The following TENM3 variants were observed in gnomAD, a reference collection of about 807,000 sequenced individuals.
The protein encoded by TENM3 is teneurin-3.
TENM3 carries 63 observed loss-of-function variants against 255.1 expected under a neutral mutation model. The ratio of observed to expected loss-of-function variants is 0.25; its 90% CI spans 0.20 to 0.30. TENM3 has a LOEUF of 0.30. Among genes scored for constraint, TENM3 ranks in the 10% least tolerant of loss-of-function variants. The pLI, the probability that TENM3 is intolerant of heterozygous loss-of-function variation, is 1.00. For missense variants in TENM3, 2,929 were observed against 3,461.1 expected (o/e 0.85, Z 3.86); for synonymous variants, 1,306 against 1,322.3 (o/e 0.99, Z 0.27).
chr4:181,685,317 G>C, the TENM3 span, among the ~76,000 whole-genome samples: 1,394 of 152,226 alleles, frequency 9.2e-3, 18 homozygotes, highest in African/African-American at 0.032. Context: ...AAGTGAAACT[G>C]AAGATTTCAA....
At chr4:181,589,898 A>G in the TENM3 span, among the ~76,000 whole-genome samples, 1 of 152,194 alleles carries the variant, frequency 6.6e-6, no homozygotes, top group Non-Finnish European at 1.5e-5. Flanking sequence ...CATCTCTCAC[A>G]TGGAAATGTT....
intron 3 of TENM3, among the ~76,000 whole-genome samples, chr4:182,455,241 A>C (rs1418471608): frequency 6.6e-6 from 1 of 152,174 alleles, no homozygotes; most frequent in Non-Finnish European, 1.5e-5. Context: ...GTTTAAAATG[A>C]AGTATAAACT....
intron 1 of TENM3, among the ~76,000 whole-genome samples, chr4:182,179,755 T>C (rs908187030): frequency 1.3e-5 from 2 of 152,244 alleles, no homozygotes; most frequent in Non-Finnish European, 2.9e-5. Flanking sequence ...CAGGAAGTTT[T>C]TCAGTGTTGT....
At chr4:181,692,643 T>A in the TENM3 span, among the ~76,000 whole-genome samples, 1 of 152,268 alleles carries the variant, frequency 6.6e-6, no homozygotes, top group East Asian at 1.9e-4. Flanking sequence ...ACAGTTAATT[T>A]AGATGGAAAA....
chr4:182,262,739 T>TG (rs34594175), intron 1 of TENM3, among the ~76,000 whole-genome samples: 1 of 134,764 alleles, frequency 7.4e-6, no homozygotes, highest in African/African-American at 2.9e-5. Context: ...TTTTTTTTTT[T>TG]GAGACGGAAT....
the TENM3 span, among the ~76,000 whole-genome samples, chr4:181,902,812 GGTGT>G: frequency 1.3e-5 from 2 of 151,948 alleles, no homozygotes; most frequent in African/African-American, 2.4e-5. Context: ...ATACCTAATG[GGTGT>G]TATCCAGACA....
intron 6 of TENM3, among the ~76,000 whole-genome samples, chr4:182,660,983 A>G (rs539873475): frequency 4.6e-5 from 7 of 152,300 alleles, no homozygotes; most frequent in African/African-American, 1.7e-4. Context: ...CACATGCCCA[A>G]TTTTAGCCTA....
intron 22 of TENM3, among the ~76,000 whole-genome samples, chr4:182,768,537 A>C (rs930061047): frequency 9.2e-5 from 14 of 152,280 alleles, no homozygotes; most frequent in African/African-American, 3.4e-4. Flanking sequence ...AGTCTAGGGA[A>C]GCTCTGGGAA....
intron 12 of TENM3, among the ~76,000 whole-genome samples, chr4:182,707,188 T>C (rs1331052279): frequency 6.6e-6 from 1 of 152,106 alleles, no homozygotes; most frequent in African/African-American, 2.4e-5. Context: ...TTGATGTGCA[T>C]ACTCCTAGAC....
At chr4:181,561,043 C>T in the TENM3 span, among the ~76,000 whole-genome samples, 9 of 152,164 alleles carry the variant, frequency 5.9e-5, no homozygotes, top group Admixed American at 2.0e-4. Context: ...ACCCTCGCCT[C>T]CTGGGTTCAA....
intron 1 of TENM3, among the ~76,000 whole-genome samples, chr4:182,227,031 C>G (rs1222076120): frequency 6.6e-6 from 1 of 152,124 alleles, no homozygotes; most frequent in Non-Finnish European, 1.5e-5. Context: ...GCCGTAACTC[C>G]TGCTGCTGCT....
rs139833505 is a variant in TENM3, at chr4:182,482,001, G to A, written c.512-118923G>A. Reference sequence around the variant, plus strand: ...TCTCTAGACAGTGCACAACACTGAAGTAAATGCAGATACTGTATCTTAATT... The same window carrying A: ...TCTCTAGACAGTGCACAACACTGAAATAAATGCAGATACTGTATCTTAATT... On this transcript the variant is annotated intron_variant, in intron 3 of 27. Transcript: ENST00000511685. Among the ~76,000 whole-genome samples, 33 of 152,252 alleles carry A rather than the reference G, an allele frequency of 2.2e-4. No homozygotes were observed. In the East Asian group the frequency reaches 5.6e-3, roughly 26 times the overall value.
chr4:182,295,546 G>T (rs903345095), intron 1 of TENM3, among the ~76,000 whole-genome samples: 11 of 152,046 alleles, frequency 7.2e-5, no homozygotes, highest in African/African-American at 2.4e-4. Flanking sequence ...TGGGATTACA[G>T]GTGTGAGCCA....
chr4:182,524,417 A>AT (rs1560871422), intron 3 of TENM3, among the ~76,000 whole-genome samples: 9 of 124,130 alleles, frequency 7.3e-5, no homozygotes, highest in Non-Finnish European at 1.3e-4. Flanking sequence ...GCCAGAGTGC[A>AT]GTGGCATGAC....
the TENM3 span, among the ~76,000 whole-genome samples, chr4:181,761,755 T>G: frequency 6.6e-6 from 1 of 152,176 alleles, no homozygotes; most frequent in African/African-American, 2.4e-5. Context: ...TGGGCGTATA[T>G]GCTACATATT....
rs58332965 is a variant in TENM3 at position 182,603,784 on chromosome 4, T to TATATATATATATATATATAG, written c.749+2624_749+2625insTATATATATATATATATAGA. On this transcript the variant is annotated intron_variant, in intron 4 of 27. Transcript: ENST00000511685. Reference sequence around the variant, plus strand: ...AATTATTTATATATATATATATATATACACACACACACCGATTTTGCTAAT... The same window carrying TATATATATATATATATATAG: ...AATTATTTATATATATATATATATATATATATATATATATATATAGACACACACACACCGATTTTGCTAAT... Among the ~76,000 whole-genome samples the TATATATATATATATATATAG allele has an allele frequency of 3.5e-3, 463 of 134,144 alleles. 13 individuals carry two copies. The highest frequency in any genetic ancestry group is 9.8e-3 in the East Asian group (42 of 4,296). 88.0% of individuals were successfully genotyped at this position (134,144 alleles called of 152,430 possible).
At chr4:181,942,784 T>G in the TENM3 span, among the ~76,000 whole-genome samples, 1 of 152,342 alleles carries the variant, frequency 6.6e-6, no homozygotes, top group African/African-American at 2.4e-5. Context: ...AAAATATTTT[T>G]AAATCTGAGA....
chr4:182,687,137 A>G (rs535182411), intron 11 of TENM3, among the ~76,000 whole-genome samples: 3 of 152,262 alleles, frequency 2.0e-5, no homozygotes, highest in Middle Eastern at 3.4e-3. Flanking sequence ...TTTTTAATCA[A>G]AAAAAGGTTT....
the TENM3 span, among the ~76,000 whole-genome samples, chr4:181,939,660 AG>A: frequency 6.6e-6 from 1 of 152,224 alleles, no homozygotes; most frequent in Non-Finnish European, 1.5e-5. Flanking sequence ...AGCTGAACTA[AG>A]GGGAAGAATG....
Sources: gnomAD v4.1 joint callset for allele counts (sites outside exome capture counted in the v4.1 genomes callset) on GRCh38, gnomAD v4.1.1 for gene constraint, MANE v1.5 for transcripts, NCBI Gene and HGNC (gene_info 2026-07-23, HGNC 2026-07-21) for gene names.